The following PDIA5 variants were observed in gnomAD, a reference collection of about 807,000 sequenced individuals.
The protein encoded by PDIA5 is protein disulfide-isomerase A5.
PDIA5 carries 58 observed loss-of-function variants against 77.6 expected under a neutral mutation model. The observed-to-expected ratio is 0.75, with a 90% confidence interval of 0.61 to 0.93. The LOEUF (loss-of-function observed/expected upper bound fraction) is 0.93. Ranked by LOEUF, PDIA5 falls within the 40% of genes least tolerant of loss-of-function variation. The pLI, the probability that PDIA5 is intolerant of heterozygous loss-of-function variation, is 0.00. For missense variants in PDIA5, 630 were observed against 647.7 expected (o/e 0.97, Z 0.30); for synonymous variants, 250 against 252.1 (o/e 0.99, Z 0.08).
chr3:123,077,863 G>A (rs539834587), intron 1 of PDIA5, among the ~76,000 whole-genome samples: 3 of 150,694 alleles, frequency 2.0e-5, no homozygotes, highest in African/African-American at 7.3e-5. Context: ...AGGCTGGAGT[G>A]CAGTGGTGCG....
At chr3:123,117,399 T>TATATATATATATATATATATATATATATA (rs60353329) in intron 8 of PDIA5, among the ~76,000 whole-genome samples, 70 of 135,344 alleles carry the variant, frequency 5.2e-4, no homozygotes, top group African/African-American at 9.8e-4. Context: ...TATATATATA[T>TATATATATATATATATATATATATATATA]TCTGTTTTAG....
intron 12 of PDIA5, 48 bp downstream of exon 12, chr3:123,145,640 T>C (rs571173114): frequency 6.7e-7 from 1 of 1,485,674 alleles, no homozygotes; most frequent in South Asian, 1.1e-5. Context: ...AAAGAATCAC[T>C]GACAGGTGGA....
At chr3:123,075,620 G>A (rs572759353) in intron 1 of PDIA5, among the ~76,000 whole-genome samples, 35 of 152,194 alleles carry the variant, frequency 2.3e-4, no homozygotes, top group African/African-American at 6.5e-4. Context: ...GGAGGGAGGA[G>A]AATGGGAGGA....
At chr3:123,089,354 G>A in intron 2 of PDIA5, 60 bp downstream of exon 2, 2 of 1,555,034 alleles carry the variant, frequency 1.3e-6, no homozygotes, top group African/African-American at 2.7e-5. Flanking sequence ...TTCAGGGGAA[G>A]GAGTGGGAGG....
chr3:123,112,528 C>G (rs961302745), intron 7 of PDIA5, among the ~76,000 whole-genome samples: 1 of 145,914 alleles, frequency 6.9e-6, no homozygotes, highest in African/African-American at 2.5e-5. Context: ...TTTCCCCAGC[C>G]CTATTCTTTT....
intron 8 of PDIA5, among the ~76,000 whole-genome samples, chr3:123,119,909 A>T (rs562507422): frequency 6.6e-6 from 1 of 152,266 alleles, no homozygotes; most frequent in East Asian, 1.9e-4. Flanking sequence ...GATTGACATC[A>T]TTAGGAAGGA....
At chr3:123,080,407 G>C (rs1933969757) in intron 1 of PDIA5, among the ~76,000 whole-genome samples, 1 of 152,184 alleles carries the variant, frequency 6.6e-6, no homozygotes, top group African/African-American at 2.4e-5. Context: ...ACTCTGAATT[G>C]AAAGAGATGT....
intron 9 of PDIA5, 23 bp from the exon 10 acceptor site, chr3:123,124,249 C>T (rs767987536): frequency 3.1e-6 from 5 of 1,597,984 alleles, no homozygotes; most frequent in African/African-American, 2.7e-5. Context: ...ACTGAGCCCA[C>T]GTTGTTTCTC....
chr3:123,150,875 C>T (rs1008165416), intron 14 of PDIA5, among the ~76,000 whole-genome samples: 3 of 152,194 alleles, frequency 2.0e-5, no homozygotes, highest in Non-Finnish European at 4.4e-5. Flanking sequence ...ACACGTCTGC[C>T]GACATTGGCA....
intron 1 of PDIA5, among the ~76,000 whole-genome samples, chr3:123,086,214 C>T (rs1934135008): frequency 6.6e-6 from 1 of 152,226 alleles, no homozygotes; most frequent in African/African-American, 2.4e-5. Flanking sequence ...ATTATGGTAA[C>T]TGATACTCTC....
rs185169995 is a variant in PDIA5 at position 123,112,585 on chromosome 3, G to C, written c.541+1581G>C. ...TGGTTTTGAGACAGAGCCTTGCTCT[G>C]TTGCCCAGGCTGGAGTGTGGTGGTA... is the stretch of plus-strand genomic sequence containing the variant. On this transcript the variant is annotated intron_variant, in intron 7 of 16. Transcript: ENST00000316218. 5.3e-3 allele frequency among the ~76,000 whole-genome samples: 584 copies of C among 110,316 alleles called. 5 individuals carry two copies. The highest frequency in any genetic ancestry group is 0.018 in the African/African-American group (498 of 28,154). The allele number at this position is 110,316 out of a possible 152,430, so 72.4% of individuals were successfully genotyped here.
intron 1 of PDIA5, among the ~76,000 whole-genome samples, chr3:123,081,173 G>A (rs1933992863): frequency 1.3e-5 from 2 of 152,200 alleles, no homozygotes; most frequent in Admixed American, 1.3e-4. Flanking sequence ...TCTTCACAAG[G>A]TGTGATTACC....
At chr3:123,128,241 C>T (rs987044378) in intron 10 of PDIA5, among the ~76,000 whole-genome samples, 2 of 152,206 alleles carry the variant, frequency 1.3e-5, no homozygotes, top group Admixed American at 6.5e-5. Context: ...CTTCTGTGTG[C>T]GTGTGGTTCT....
rs185747848 is a variant in PDIA5, at chr3:123,155,959, C to T, written c.1344+918C>T. 7.9e-5 allele frequency among the ~76,000 whole-genome samples: 12 copies of T among 152,018 alleles called. No individual in the cohort carries two copies. The South Asian group carries it at 1.2e-3, about 16-fold the overall frequency. ...AAGCAGGCCTAGACGGAAGTTCAGC[C>T]GAGGCAGGAAAGGGGAGCAGGTATT... On this transcript the variant is annotated intron_variant, in intron 15 of 16. Coordinates refer to ENST00000316218, the MANE Select transcript of PDIA5 (RefSeq NM_006810.4).
At chr3:123,140,942 G>A (rs548454724) in intron 11 of PDIA5, among the ~76,000 whole-genome samples, 17 of 152,272 alleles carry the variant, frequency 1.1e-4, no homozygotes, top group South Asian at 6.2e-4. Context: ...CCCAGTGAGC[G>A]AGTTCTCAGA....
At chr3:123,125,236 T>C (rs1427485207) in intron 10 of PDIA5, among the ~76,000 whole-genome samples, 1 of 152,254 alleles carries the variant, frequency 6.6e-6, no homozygotes, top group Non-Finnish European at 1.5e-5. Context: ...TTTGTGCATA[T>C]GTGCTGGAGT....
intron 7 of PDIA5, among the ~76,000 whole-genome samples, chr3:123,114,241 C>A (rs1406984439): frequency 6.6e-6 from 1 of 152,214 alleles, no homozygotes; most frequent in African/African-American, 2.4e-5. Context: ...GGGGGTCAGA[C>A]TGAAGTCACT....
chr3:123,113,345 C>T (rs1037173358), intron 7 of PDIA5, among the ~76,000 whole-genome samples: 2 of 152,188 alleles, frequency 1.3e-5, no homozygotes, highest in Admixed American at 6.5e-5. Flanking sequence ...TGCCCTCTCC[C>T]GCCATGCACC....
At chr3:123,085,372 G>A (rs1198502540) in intron 1 of PDIA5, among the ~76,000 whole-genome samples, 1 of 152,204 alleles carries the variant, frequency 6.6e-6, no homozygotes, top group Non-Finnish European at 1.5e-5. Context: ...CTGAGCCCCA[G>A]TGTCATGCCC....
Sources: gnomAD v4.1 joint callset for allele counts (sites outside exome capture counted in the v4.1 genomes callset) on GRCh38, gnomAD v4.1.1 for gene constraint, MANE v1.5 for transcripts, NCBI Gene and HGNC (gene_info 2026-07-23, HGNC 2026-07-21) for gene names.